The following EMG1 variants were observed in gnomAD, a reference collection of about 807,000 sequenced individuals.
The protein encoded by EMG1 is EMG1 N1-specific pseudouridine methyltransferase, also known as ribosomal RNA small subunit methyltransferase NEP1.
A neutral mutation model predicts 26.9 loss-of-function variants in EMG1; 24 were observed. The observed-to-expected ratio is 0.89, with a 90% confidence interval of 0.65 to 1.26. EMG1 has a LOEUF of 1.26. Ranked by LOEUF, EMG1 falls within the 50% of genes most tolerant of loss-of-function variation. The pLI, the probability that EMG1 is intolerant of heterozygous loss-of-function variation, is 0.00. For missense variants in EMG1, 299 were observed against 307.6 expected (o/e 0.97, Z 0.21); for synonymous variants, 140 against 112.6 (o/e 1.24, Z -1.54).
downstream of EMG1, among the ~76,000 whole-genome samples, chr12:6,989,599 A>G (rs1202730421): frequency 3.3e-5 from 5 of 152,004 alleles, no homozygotes; most frequent in Non-Finnish European, 7.4e-5. Flanking sequence ...TGCCCGGCCA[A>G]TGCTGTGGTC....
downstream of EMG1, chr12:6,982,692 G>T: frequency 6.2e-7 from 1 of 1,612,786 alleles, no homozygotes; most frequent in South Asian, 1.1e-5. Context: ...GAAGCAAAAG[G>T]TAGTGAGGAC....
downstream of EMG1, among the ~76,000 whole-genome samples, chr12:6,989,851 G>A (rs782032480): frequency 7.2e-5 from 11 of 152,142 alleles, no homozygotes; most frequent in Non-Finnish European, 1.3e-4. Context: ...TTCATCTGAA[G>A]AAACAGAAAT....
chr12:6,984,583 CTTTTAT>C (rs1418382418), downstream of EMG1, among the ~76,000 whole-genome samples: 1 of 152,104 alleles, frequency 6.6e-6, no homozygotes, highest in Non-Finnish European at 1.5e-5. Flanking sequence ...GCAATTCTTG[CTTTTAT>C]TTTTATTTAT....
rs61917872 is a variant in EMG1 at position 6,976,881 on chromosome 12, G to A, written c.*1072G>A. ...GACGAGTAGTTTCTGCACCAGTCCCGCACAGGCCACCTGCAAGACAAGAGG... is the reference window on the plus strand; with the variant it reads ...GACGAGTAGTTTCTGCACCAGTCCCACACAGGCCACCTGCAAGACAAGAGG... On this transcript the variant is annotated 3_prime_UTR_variant, in exon 6 of 6. Coordinates refer to ENST00000599672, the MANE Select transcript of EMG1 (RefSeq NM_006331.8). 2.4e-5 allele frequency: 10 copies of A among 425,004 alleles called. No individual in the cohort carries two copies. The highest frequency in any genetic ancestry group is 6.9e-4 in the Middle Eastern group (1 of 1,440). The allele number at this position is 425,004 out of a possible 1,614,324, so 26.3% of individuals were successfully genotyped here.
Position 6,979,778 on chromosome 12 carries a change from C to T in EMG1, c.*3969C>T, listed in dbSNP as rs782562474. Reference sequence around the variant, plus strand: ...GCTATGAGGAATGGGGACTGCAAACCTCTTAAGAGTTGTAGGAAAGTCAGG... The same window carrying T: ...GCTATGAGGAATGGGGACTGCAAACTTCTTAAGAGTTGTAGGAAAGTCAGG... On this transcript the variant is annotated 3_prime_UTR_variant, in exon 6 of 6. Coordinates refer to ENST00000599672, the MANE Select transcript of EMG1 (RefSeq NM_006331.8). The T allele has an allele frequency of 7.3e-5, 43 of 591,296 alleles. No homozygotes were observed. The highest frequency in any genetic ancestry group is 4.2e-4 in the South Asian group (21 of 49,780). The allele number at this position is 591,296 out of a possible 1,614,324, so 36.6% of individuals were successfully genotyped here.
In EMG1 at chr12:6,977,951, C is replaced by T. The variant is rs1015535417; in HGVS notation, c.*2142C>T. 51 of 603,072 alleles carry T rather than the reference C, an allele frequency of 8.5e-5. No individual in the cohort carries two copies. The highest frequency in any genetic ancestry group is 6.9e-4 in the African/African-American group (37 of 53,956). 37.4% of individuals were successfully genotyped at this position (603,072 alleles called of 1,614,324 possible). The stretch of plus-strand genomic sequence containing the variant: ...GGCGGAGCTGGAGACCGTGTGCGCA[C>T]GAGCCACTTGGTTCAGCAGCAGTGA... On this transcript the variant is annotated 3_prime_UTR_variant, in exon 6 of 6. Transcript: ENST00000599672. This position sits in a 1 kb window ranked among gnomAD's most constrained non-coding sequence, Gnocchi z 4.5.
chr12:6,976,884 C>G lies in EMG1; in HGVS notation c.*1075C>G. The G allele has an allele frequency of 2.3e-6, 1 of 436,958 alleles. No individual in the cohort carries two copies. The highest frequency in any genetic ancestry group is 2.6e-5 in the South Asian group (1 of 38,870). The allele number at this position is 436,958 out of a possible 1,614,324, so 27.1% of individuals were successfully genotyped here. On this transcript the variant is annotated 3_prime_UTR_variant, in exon 6 of 6. Coordinates refer to ENST00000599672, the MANE Select transcript of EMG1 (RefSeq NM_006331.8). ...GAGTAGTTTCTGCACCAGTCCCGCACAGGCCACCTGCAAGACAAGAGGAGT... is the reference window on the plus strand; with the variant it reads ...GAGTAGTTTCTGCACCAGTCCCGCAGAGGCCACCTGCAAGACAAGAGGAGT...
downstream of EMG1, among the ~76,000 whole-genome samples, chr12:6,991,324 CAGTT>C (rs1355127398): frequency 2.0e-5 from 3 of 152,228 alleles, no homozygotes; most frequent in Non-Finnish European, 4.4e-5. Flanking sequence ...AGTTTCTTAA[CAGTT>C]AGGAACTTTT....
chr12:6,971,893 A>G lies in EMG1; in HGVS notation c.168+802A>G, dbSNP rs782191077. 7.9e-5 allele frequency among the ~76,000 whole-genome samples: 12 copies of G among 152,166 alleles called. No individual in the cohort carries two copies. In the South Asian group the frequency reaches 8.3e-4, roughly 11 times the overall value. On this transcript the variant is annotated intron_variant, in intron 1 of 5. Coordinates refer to ENST00000599672, the MANE Select transcript of EMG1 (RefSeq NM_006331.8). ...AACTTTTACATCTGCATTTTTATCT[A>G]TCATTCATCTCTTTCCCCACATGTA...
At chr12:6,985,550 C>T (rs1438733367) in intron 6 of EMG1, among the ~76,000 whole-genome samples, 9 of 141,920 alleles carry the variant, frequency 6.3e-5, no homozygotes, top group Non-Finnish European at 1.5e-5. Context: ...CCCATCTCTA[C>T]CAAAAATATA....
At chr12:6,980,455 A>G (rs1471055642), downstream of EMG1, among the ~76,000 whole-genome samples, 1 of 152,128 alleles carries the variant, frequency 6.6e-6, no homozygotes, top group Non-Finnish European at 1.5e-5. Context: ...CCCTGGACTC[A>G]AGCAATTCTC....
downstream of EMG1, chr12:6,981,523 G>A: frequency 6.7e-7 from 1 of 1,502,788 alleles, no homozygotes; most frequent in Non-Finnish European, 9.3e-7. Context: ...TTTGGGTTCA[G>A]TCTTTTGTTA....
intron 5 of EMG1, 107 bp downstream of exon 5, chr12:6,975,485 T>A (rs890216560): frequency 7.1e-6 from 9 of 1,273,324 alleles, no homozygotes; most frequent in Non-Finnish European, 5.4e-6. Flanking sequence ...AGAAGACACA[T>A]GACAGTTCCA....
In EMG1 at chr12:6,977,223, GGAA is replaced by G; in HGVS notation, c.*1420_*1422del. On this transcript the variant is annotated 3_prime_UTR_variant, in exon 6 of 6. Coordinates refer to ENST00000599672, the MANE Select transcript of EMG1 (RefSeq NM_006331.8). This position sits in a 1 kb window ranked among gnomAD's most constrained non-coding sequence, Gnocchi z 4.5. ...TAAGGCAATATGAATAGTAGGCTCA[GGAA>G]GAAGATGTGGCCAAGGAAATAGATG... The G allele has an allele frequency of 6.2e-7, 1 of 1,614,024 alleles. No homozygotes were observed. Among genetic ancestry groups the G allele is most frequent in the Non-Finnish European group, 8.5e-7 (1 of 1,179,860 alleles).
downstream of EMG1, chr12:6,981,166 T>G: frequency 6.2e-7 from 1 of 1,609,710 alleles, no homozygotes; most frequent in Non-Finnish European, 8.5e-7. Flanking sequence ...TTTCTGTTGC[T>G]CAGAGGACAA....
intron 7 of EMG1, among the ~76,000 whole-genome samples, chr12:6,996,077 C>A (rs1946633586): frequency 6.6e-6 from 1 of 152,180 alleles, no homozygotes; most frequent in South Asian, 2.1e-4. Flanking sequence ...GATCAAAAGG[C>A]TGATTGCCAG....
chr12:6,996,157 C>G (rs1946634465), intron 7 of EMG1, among the ~76,000 whole-genome samples: 1 of 152,196 alleles, frequency 6.6e-6, no homozygotes, highest in South Asian at 2.1e-4. Context: ...TGGCCTCTAC[C>G]CTTCTGCTCC....
chr12:6,981,722 G>A (rs112093579), downstream of EMG1: 134 of 1,386,062 alleles, frequency 9.7e-5, 2 homozygotes, highest in South Asian at 7.5e-4. Context: ...AGTGTATGGC[G>A]GGGGGCGGAG....
chr12:6,986,157 TTGATCAACACA>T (rs1946523963), intron 6 of EMG1, among the ~76,000 whole-genome samples: 9 of 152,122 alleles, frequency 5.9e-5, no homozygotes, highest in Non-Finnish European at 1.5e-5. Flanking sequence ...TAGTTGACCC[TTGATCAACACA>T]ATTTTGAACA....
Sources: allele counts gnomAD v4.1 joint callset (sites outside exome capture counted in the v4.1 genomes callset), GRCh38; gene constraint gnomAD v4.1.1; non-coding constraint Gnocchi (gnomAD v3.1); transcripts MANE v1.5; gene names NCBI Gene and HGNC (gene_info 2026-07-23, HGNC 2026-07-21).